Variants in LRFN5 observed in about 807,000 individuals in gnomAD.
The protein encoded by LRFN5 is leucine-rich repeat and fibronectin type-III domain-containing protein 5.
Under a neutral mutation model 45.6 loss-of-function variants are expected in LRFN5, and 24 were observed. The ratio of observed to expected loss-of-function variants is 0.53; its 90% CI spans 0.38 to 0.74. The LOEUF is 0.74. LRFN5 is among the 30% of genes least tolerant of loss of function. The pLI, the probability that LRFN5 is intolerant of heterozygous loss-of-function variation, is 0.00. For synonymous variants in LRFN5, 340 were observed against 313.8 expected, an observed-to-expected ratio of 1.08 and a Z score of -0.88; for missense variants, 776 against 861.5, an observed-to-expected ratio of 0.90 and a Z score of 1.24.
chr14:41,823,354 G>A (rs1247838218), intron 2 of LRFN5, among the ~76,000 whole-genome samples: 3 of 151,502 alleles, frequency 2.0e-5, no homozygotes, highest in East Asian at 1.9e-4. Context: ...CTTAGCATTC[G>A]CTTGTTTGGA....
chr14:41,855,850 A>C (rs1003435921), intron 2 of LRFN5, among the ~76,000 whole-genome samples: 1 of 152,202 alleles, frequency 6.6e-6, no homozygotes, highest in Non-Finnish European at 1.5e-5. Flanking sequence ...TTATTTTGTG[A>C]AACTATGTAT....
chr14:41,771,665 C>G lies in LRFN5; in HGVS notation c.-21+4636C>G, dbSNP rs552474428. Among the ~76,000 whole-genome samples, 4 of 152,220 alleles carry G rather than the reference C, an allele frequency of 2.6e-5. No homozygotes were observed. The South Asian group carries it at 8.3e-4, about 32-fold the overall frequency. On this transcript the variant is annotated intron_variant, in intron 2 of 5. Coordinates refer to ENST00000298119, the MANE Select transcript of LRFN5 (RefSeq NM_152447.5). ...AACAGGGAGGACCTTTACTCCATTT[C>G]CCAGTAACTTCCTCATTTCCATCGG...
intron 5 of LRFN5, among the ~76,000 whole-genome samples, chr14:41,903,337 A>C (rs907388308): frequency 2.0e-5 from 3 of 151,514 alleles, no homozygotes; most frequent in African/African-American, 7.2e-5. Flanking sequence ...CATTCATGCC[A>C]TGCATTTTAT....
chr14:41,882,892 A>C (rs550472651), intron 2 of LRFN5, among the ~76,000 whole-genome samples: 2 of 118,954 alleles, frequency 1.7e-5, no homozygotes, highest in African/African-American at 6.3e-5. Flanking sequence ...TCTGTCACCC[A>C]GGCTGGAGTG....
chr14:41,799,259 C>T (rs895906894), intron 2 of LRFN5, among the ~76,000 whole-genome samples: 4 of 151,924 alleles, frequency 2.6e-5, no homozygotes, highest in Non-Finnish European at 4.4e-5. Context: ...AAAGTCTGCT[C>T]TAATTTTTCC....
chr14:41,650,731 C>A (rs1381660481), intron 1 of LRFN5, among the ~76,000 whole-genome samples: 1 of 152,072 alleles, frequency 6.6e-6, no homozygotes, highest in Non-Finnish European at 1.5e-5. Flanking sequence ...TATTTTGTTC[C>A]TGGTTAAGTT....
intron 2 of LRFN5, among the ~76,000 whole-genome samples, chr14:41,806,918 TCTGAAG>T (rs1270682034): frequency 1.3e-5 from 2 of 152,090 alleles, no homozygotes; most frequent in African/African-American, 4.8e-5. Context: ...CTAGAGCCTT[TCTGAAG>T]CCCTACCCCT....
intron 1 of LRFN5, among the ~76,000 whole-genome samples, chr14:41,745,091 C>G (rs1158447952): frequency 6.6e-6 from 1 of 151,970 alleles, no homozygotes; most frequent in Non-Finnish European, 1.5e-5. Flanking sequence ...TCAAGTTCAC[C>G]CAAGACATTT....
chr14:41,888,867 C>T (rs1890671925), intron 3 of LRFN5, among the ~76,000 whole-genome samples: 2 of 151,780 alleles, frequency 1.3e-5, no homozygotes. Flanking sequence ...GTTAAAAAGA[C>T]ATATTTTTAC....
At chr14:41,772,308 T>A (rs767058828) in intron 2 of LRFN5, among the ~76,000 whole-genome samples, 4 of 152,108 alleles carry the variant, frequency 2.6e-5, no homozygotes, top group Non-Finnish European at 4.4e-5. Flanking sequence ...GAGACAAACA[T>A]CCAAACCATA....
intron 1 of LRFN5, among the ~76,000 whole-genome samples, chr14:41,664,033 T>A (rs1457630609): frequency 6.6e-6 from 1 of 151,908 alleles, no homozygotes; most frequent in Non-Finnish European, 1.5e-5. Context: ...TACTTAATAG[T>A]CTCAAGTGTT....
At chr14:41,681,796 T>TTTTATTTA (rs34192648) in intron 1 of LRFN5, among the ~76,000 whole-genome samples, 10 of 98,944 alleles carry the variant, frequency 1.0e-4, no homozygotes, top group East Asian at 6.5e-4. Context: ...TTTTATTTTA[T>TTTTATTTA]TTTATTTATT....
At position 41,701,514 on chromosome 14, in the gene LRFN5, G is replaced by C. The variant is rs184518215; in HGVS notation, c.-196-65340G>C. 2.3e-4 allele frequency: 35 copies of C among 152,322 alleles called. No individual in the cohort carries two copies. In the East Asian group the frequency reaches 6.4e-3, roughly 28 times the overall value. The allele number at this position is 152,322 out of a possible 1,614,324, so 9.4% of individuals were successfully genotyped here. A position where few individuals can be genotyped will look rare whatever the true frequency, so the allele number is the denominator to read the frequency against. ...ACCTCTTTAAACAAAGAAGATGTCA[G>C]GCCGAAGTGGGTTCATCACAAAGCA... On this transcript the variant is annotated intron_variant, in intron 1 of 5. Coordinates refer to ENST00000298119, the MANE Select transcript of LRFN5 (RefSeq NM_152447.5).
Position 41,676,489 on chromosome 14 carries a change from G to A in LRFN5, c.-197+67927G>A, listed in dbSNP as rs1052519097. Among the ~76,000 whole-genome samples, 5 of 152,222 alleles carry A rather than the reference G, an allele frequency of 3.3e-5. No individual in the cohort carries two copies. The South Asian group carries it at 1.0e-3, about 32-fold the overall frequency. ...CTTGGTTGAGAGAAACTAAGAGGAG[G>A]CTGGAAGCTTTGATAATGAACAAAA... is the stretch of plus-strand genomic sequence containing the variant. On this transcript the variant is annotated intron_variant, in intron 1 of 5. Coordinates refer to ENST00000298119, the MANE Select transcript of LRFN5 (RefSeq NM_152447.5).
intron 2 of LRFN5, among the ~76,000 whole-genome samples, chr14:41,878,603 TAA>T (rs1013498691): frequency 6.6e-6 from 1 of 152,078 alleles, no homozygotes. Context: ...TAACATATAA[TAA>T]AGAGATACGT....
chr14:41,689,060 AC>A (rs201576047), intron 1 of LRFN5, among the ~76,000 whole-genome samples: 5,060 of 152,126 alleles, frequency 0.033, 138 homozygotes, highest in African/African-American at 0.084. Flanking sequence ...TCACCACTGC[AC>A]TGCAGTTTGG....
At chr14:41,837,392 A>G (rs1888700445) in intron 2 of LRFN5, among the ~76,000 whole-genome samples, 1 of 152,100 alleles carries the variant, frequency 6.6e-6, no homozygotes, top group South Asian at 2.1e-4. Flanking sequence ...AAGACATAGA[A>G]GGACAGAATC....
chr14:41,676,722 G>T (rs971094270), intron 1 of LRFN5, among the ~76,000 whole-genome samples: 1 of 152,090 alleles, frequency 6.6e-6, no homozygotes, highest in Non-Finnish European at 1.5e-5. Context: ...TAAATATGGG[G>T]CAAAAAGTCT....
chr14:41,692,422 T>A (rs1478051684), intron 1 of LRFN5, among the ~76,000 whole-genome samples: 1 of 152,132 alleles, frequency 6.6e-6, no homozygotes, highest in Non-Finnish European at 1.5e-5. Flanking sequence ...TTTTCTTTTT[T>A]TTATTATTAT....
Sources: allele counts gnomAD v4.1 joint callset (sites outside exome capture counted in the v4.1 genomes callset), GRCh38; gene constraint gnomAD v4.1.1; transcripts MANE v1.5; gene names NCBI Gene and HGNC (gene_info 2026-07-23, HGNC 2026-07-21).